Variants in VCPIP1 observed in about 807,000 individuals in gnomAD.
VCPIP1 encodes valosin containing protein interacting protein 1.
VCPIP1 carries 8 observed loss-of-function variants against 85.0 expected under a neutral mutation model. That is an observed-to-expected ratio of 0.09 (90% CI 0.06 to 0.17). The LOEUF is 0.17. Ranked by LOEUF, VCPIP1 falls within the 10% of genes least tolerant of loss-of-function variation. The pLI is 1.00. For synonymous variants in VCPIP1, 543 were observed against 544.5 expected (o/e 1.00, Z 0.04); for missense variants, 1,070 against 1,486.3 (o/e 0.72, Z 4.61).
In VCPIP1 at chr8:66,665,492, C is replaced by G. The variant is rs1811198788; in HGVS notation, c.1467G>C (p.Gly489=). 1 of 1,614,048 alleles carries G rather than the reference C, an allele frequency of 6.2e-7. No individual in the cohort carries two copies. Among genetic ancestry groups the G allele is most frequent in the African/African-American group, 1.3e-5 (1 of 74,938 alleles). Residue 489 remains glycine, a synonymous_variant, in exon 1 of 3, where the codon GGG becomes GGC. Transcript: ENST00000310421. The surrounding 1 kb of genome is among the most constrained non-coding windows in gnomAD (Gnocchi z 4.3). ...HVPPEWLAPG[G]KLYNLAKSTH... Reference sequence around the variant, plus strand: ...TACTTTTTGCCAGGTTATACAATTTCCCTCCAGGAGCCAACCACTCTGGAG... The same window carrying G: ...TACTTTTTGCCAGGTTATACAATTTGCCTCCAGGAGCCAACCACTCTGGAG...
intron 1 of VCPIP1, among the ~76,000 whole-genome samples, chr8:66,657,653 A>G (rs1811113410): frequency 1.3e-5 from 2 of 152,232 alleles, no homozygotes; most frequent in Non-Finnish European, 2.9e-5. Flanking sequence ...TTAAATGTGT[A>G]CAGAGTCTGA....
intron 2 of VCPIP1, 71 bp from the exon 3 acceptor site, chr8:66,635,443 A>T: frequency 7.4e-7 from 1 of 1,359,224 alleles, no homozygotes; most frequent in Non-Finnish European, 9.8e-7. Flanking sequence ...CAAGACAATT[A>T]TAGTTAAAAT....
At chr8:66,638,970 C>CTCTCTCTCTCTATA in intron 2 of VCPIP1, among the ~76,000 whole-genome samples, 17 of 118,436 alleles carry the variant, frequency 1.4e-4, no homozygotes, top group African/African-American at 6.2e-4. Flanking sequence ...CTCTCTCTCT[C>CTCTCTCTCTCTATA]TATATATATA....
chr8:66,636,185 C>T (rs1233076559), intron 2 of VCPIP1, among the ~76,000 whole-genome samples: 4 of 142,244 alleles, frequency 2.8e-5, no homozygotes, highest in Non-Finnish European at 6.0e-5. Context: ...GCCAAGATGG[C>T]GCCGCTATAC....
intron 2 of VCPIP1, among the ~76,000 whole-genome samples, chr8:66,643,152 A>G (rs1810963413): frequency 6.6e-6 from 1 of 151,420 alleles, no homozygotes; most frequent in Admixed American, 6.6e-5. Flanking sequence ...GCGAAACCCC[A>G]TGTCTACTAA....
rs1810847933 is a variant in VCPIP1 at position 66,632,885 on chromosome 8, G to C, written c.*1616C>G. ...GCTGTTTTGATAGGGAGAAAATTTA[G>C]GATGAAGATAAAATATAAAGACAAA... is the stretch of plus-strand genomic sequence containing the variant. On this transcript the variant is annotated 3_prime_UTR_variant, in exon 3 of 3. Transcript: ENST00000310421. 6.6e-6 allele frequency: 1 copy of C among 152,052 alleles called. No individual in the cohort carries two copies. The highest frequency in any genetic ancestry group is 3.2e-3 in the Middle Eastern group (1 of 316). 9.4% of individuals were successfully genotyped at this position (152,052 alleles called of 1,614,324 possible). A position where few individuals can be genotyped will look rare whatever the true frequency, so the allele number is the denominator to read the frequency against.
At chr8:66,661,925 G>C (rs1357663046) in intron 1 of VCPIP1, among the ~76,000 whole-genome samples, 1 of 150,238 alleles carries the variant, frequency 6.7e-6, no homozygotes, top group East Asian at 2.0e-4. Context: ...CACCACACCC[G>C]GCTTATTTTT....
At chr8:66,659,827 G>A (rs907126330) in intron 1 of VCPIP1, among the ~76,000 whole-genome samples, 2 of 152,008 alleles carry the variant, frequency 1.3e-5, no homozygotes, top group African/African-American at 4.8e-5. Context: ...AGCTACTTGA[G>A]AGGTTGAGAA....
intron 2 of VCPIP1, among the ~76,000 whole-genome samples, chr8:66,650,309 C>T (rs184706001): frequency 8.6e-5 from 13 of 151,616 alleles, no homozygotes; most frequent in African/African-American, 3.1e-4. Context: ...AATATTTCTA[C>T]AACAACCAAG....
Position 66,665,671 on chromosome 8 carries a change from T to C in VCPIP1, c.1288A>G (p.Ser430Gly). The C allele has an allele frequency of 6.2e-7, 1 of 1,614,108 alleles. No homozygotes were observed. The highest frequency in any genetic ancestry group is 8.5e-7 in the Non-Finnish European group (1 of 1,179,996). Residue 430 changes from serine (S) to glycine (G), a missense_variant, in exon 1 of 3, where the codon AGT becomes GGT. By Grantham distance (56) the Ser-to-Gly change is moderately conservative. This residue lies in a region of VCPIP1 where 83 missense variants were observed against 134.6 expected (regional missense o/e 0.62). Coordinates refer to ENST00000310421, the MANE Select transcript of VCPIP1 (RefSeq NM_025054.5). The surrounding 1 kb of genome is among the most constrained non-coding windows in gnomAD (Gnocchi z 4.3). ...TACTGATGGACATCAGCAACCAAAC[T>C]AGGATGGATACCATGTTTGTCCATA... ...VFMDKHGIHP[S>G]LVADVHQYFY... is the part of the protein sequence containing the mutation.
intron 2 of VCPIP1, among the ~76,000 whole-genome samples, chr8:66,647,412 CAAAGG>C (rs1811008126): frequency 6.6e-6 from 1 of 151,092 alleles, no homozygotes; most frequent in Non-Finnish European, 1.5e-5. Flanking sequence ...TATGGATAAA[CAAAGG>C]ACTCAGAACA....
chr8:66,649,230 C>T (rs1811028564), intron 2 of VCPIP1, among the ~76,000 whole-genome samples: 1 of 151,942 alleles, frequency 6.6e-6, no homozygotes, highest in Non-Finnish European at 1.5e-5. Flanking sequence ...GGTGCAGTAG[C>T]TCATGCTTGT....
At chr8:66,645,962 C>T (rs1262559001) in intron 2 of VCPIP1, among the ~76,000 whole-genome samples, 1 of 145,742 alleles carries the variant, frequency 6.9e-6, no homozygotes, top group African/African-American at 2.8e-5. Context: ...ATAACATCTT[C>T]ATGATTCAAA....
chr8:66,661,666 G>A (rs1055424545), intron 1 of VCPIP1, among the ~76,000 whole-genome samples: 55 of 151,716 alleles, frequency 3.6e-4, no homozygotes, highest in African/African-American at 1.3e-3. Flanking sequence ...AACCCAGGTA[G>A]CAGAGGTTGC....
intron 1 of VCPIP1, among the ~76,000 whole-genome samples, chr8:66,662,481 C>T (rs1444751361): frequency 2.0e-5 from 3 of 152,098 alleles, no homozygotes; most frequent in Non-Finnish European, 4.4e-5. Flanking sequence ...CTTTCTTTAG[C>T]TGTGTTAATG....
In VCPIP1 at chr8:66,633,833, T is replaced by G. The variant is rs1191249048; in HGVS notation, c.*668A>C. 6.6e-6 allele frequency: 1 copy of G among 152,058 alleles called. No homozygotes were observed. The highest frequency in any genetic ancestry group is 1.9e-4 in the East Asian group (1 of 5,200). The allele number at this position is 152,058 out of a possible 1,614,324, so 9.4% of individuals were successfully genotyped here. ...TATTAATAGAGCACACACAATTGGC[T>G]GTGGCTCAGACAGCAACACAACTGA... On this transcript the variant is annotated 3_prime_UTR_variant, in exon 3 of 3. Transcript: ENST00000310421.
Position 66,635,161 on chromosome 8 carries a change from T to A in VCPIP1, c.3009A>T (p.Leu1003=), listed in dbSNP as rs1281888469. The A allele has an allele frequency of 6.2e-7, 1 of 1,614,064 alleles. No individual in the cohort carries two copies. Among genetic ancestry groups the A allele is most frequent in the African/African-American group, 1.3e-5 (1 of 74,918 alleles). ...CTACTCCACCACTACCTAGTTTTAA[T>A]AGCCCATGTGAGGGACTTGATTCCC... ...RSRESSPSHG[L]LKLGSGGVVK... Residue 1003 remains leucine, a synonymous_variant, in exon 3 of 3, where the codon CTA becomes CTT. Coordinates refer to ENST00000310421, the MANE Select transcript of VCPIP1 (RefSeq NM_025054.5).
chr8:66,640,712 C>CG (rs34207507), intron 2 of VCPIP1, among the ~76,000 whole-genome samples: 1 of 151,786 alleles, frequency 6.6e-6, no homozygotes, highest in Non-Finnish European at 1.5e-5. Flanking sequence ...GATGGCTTGA[C>CG]GGGGGGTACT....
At chr8:66,654,250 C>G (rs981246058) in intron 1 of VCPIP1, among the ~76,000 whole-genome samples, 7 of 152,232 alleles carry the variant, frequency 4.6e-5, no homozygotes, top group African/African-American at 1.4e-4. Flanking sequence ...CCGAGGCAGG[C>G]AGATTACCTG....
Sources: gnomAD v4.1 joint callset for allele counts (sites outside exome capture counted in the v4.1 genomes callset) on GRCh38, gnomAD v4.1.1 for gene constraint, gnomAD v4.1.1 regional missense constraint, Gnocchi (gnomAD v3.1) non-coding constraint, MANE v1.5 for transcripts, NCBI Gene and HGNC (gene_info 2026-07-23, HGNC 2026-07-21) for gene names.